Variants in NPFFR1 observed in about 807,000 individuals in gnomAD.
NPFFR1 encodes neuropeptide FF receptor 1, also known as G-protein coupled receptor 147.
NPFFR1 carries 17 observed loss-of-function variants against 12.7 expected under a neutral mutation model. The ratio of observed to expected loss-of-function variants is 1.34; its 90% CI spans 0.92 to 2.01. The LOEUF (loss-of-function observed/expected upper bound fraction) is 2.01, where lower values mean the gene tolerates loss of function less well. Ranked by LOEUF, NPFFR1 falls within the 30% of genes most tolerant of loss-of-function variation. NPFFR1 has a pLI of 0.00. For missense variants in NPFFR1, 604 were observed against 606.5 expected (o/e 1.00, Z 0.04); for synonymous variants, 296 against 264.5 (o/e 1.12, Z -1.16).
chr10:70,260,276 C>T (rs1840618423), intron 3 of NPFFR1, among the ~76,000 whole-genome samples: 1 of 152,120 alleles, frequency 6.6e-6, no homozygotes, highest in Non-Finnish European at 1.5e-5. Flanking sequence ...ATACCGTGAC[C>T]CACCCATAAG....
intron 2 of NPFFR1, among the ~76,000 whole-genome samples, chr10:70,263,665 G>C (rs939389786): frequency 3.3e-5 from 5 of 152,036 alleles, no homozygotes; most frequent in Non-Finnish European, 4.4e-5. Context: ...GAGTGGAATA[G>C]GTATATAGAA....
intron 1 of NPFFR1, among the ~76,000 whole-genome samples, chr10:70,274,217 A>G (rs1840777758): frequency 6.7e-6 from 1 of 150,326 alleles, no homozygotes; most frequent in South Asian, 2.1e-4. Flanking sequence ...TGGGAGATGG[A>G]AGGAGGCAGA....
intron 3 of NPFFR1, among the ~76,000 whole-genome samples, chr10:70,260,166 C>T (rs1040261821): frequency 3.9e-5 from 6 of 152,296 alleles, no homozygotes; most frequent in South Asian, 2.1e-4. Context: ...AGACGAGAAG[C>T]GGTGAACGTG....
At chr10:70,258,204 A>G (rs914757736) in intron 3 of NPFFR1, among the ~76,000 whole-genome samples, 35 of 151,732 alleles carry the variant, frequency 2.3e-4, no homozygotes, top group Admixed American at 4.6e-4. Flanking sequence ...AGGTGTGGAG[A>G]GGCAGGCCAC....
At position 70,252,567 on chromosome 10, in the gene NPFFR1, C is replaced by T. The variant is rs1310218980; in HGVS notation, c.*2390G>A. The T allele has an allele frequency of 1.3e-5, 2 of 152,230 alleles. No homozygotes were observed. Among genetic ancestry groups the T allele is most frequent in the Non-Finnish European group, 2.9e-5 (2 of 68,052 alleles). The allele number at this position is 152,230 out of a possible 1,614,324, so 9.4% of individuals were successfully genotyped here. ...TTTACCACATCCACAAAGAAACGAA[C>T]TCCCCACATACCCACAATGTCTCAC... On this transcript the variant is annotated 3_prime_UTR_variant, in exon 4 of 4. Transcript: ENST00000277942.
intron 3 of NPFFR1, 101 bp downstream of exon 3, chr10:70,260,539 G>T: frequency 1.9e-6 from 2 of 1,041,204 alleles, no homozygotes; most frequent in African/African-American, 3.2e-5. Context: ...TTACCATGGT[G>T]CAGCCCCAGC....
rs1290862948 is a variant in NPFFR1, at chr10:70,247,693, C to T, written c.*7264G>A. 1 of 152,226 alleles carries T rather than the reference C, an allele frequency of 6.6e-6. No homozygotes were observed. The highest frequency in any genetic ancestry group is 2.4e-5 in the African/African-American group (1 of 41,456). The allele number at this position is 152,226 out of a possible 1,614,324, so 9.4% of individuals were successfully genotyped here. ...AAACTAATTTGCCCAAATCACTAAG[C>T]TTGGGTTTTTCCACCCACATTAATT... On this transcript the variant is annotated 3_prime_UTR_variant, in exon 4 of 4. Transcript: ENST00000277942.
chr10:70,274,086 G>C (rs2136807361), intron 1 of NPFFR1, among the ~76,000 whole-genome samples: 1 of 152,322 alleles, frequency 6.6e-6, no homozygotes, highest in Admixed American at 6.5e-5. Flanking sequence ...AGAGAGGAAA[G>C]GACACTGACC....
chr10:70,271,212 T>A (rs908921484), intron 1 of NPFFR1, among the ~76,000 whole-genome samples: 5 of 152,218 alleles, frequency 3.3e-5, no homozygotes, highest in African/African-American at 9.6e-5. Context: ...AGCATTCTCA[T>A]ATTTAAAATA....
intron 3 of NPFFR1, among the ~76,000 whole-genome samples, chr10:70,258,125 T>C (rs1840594127): frequency 6.6e-6 from 1 of 152,184 alleles, no homozygotes; most frequent in African/African-American, 2.4e-5. Flanking sequence ...CTGTTGTTTC[T>C]CTATACTTTG....
chr10:70,282,119 T>C (rs1039574873), intron 1 of NPFFR1, among the ~76,000 whole-genome samples: 2 of 152,222 alleles, frequency 1.3e-5, no homozygotes, highest in Non-Finnish European at 2.9e-5. Context: ...TAAATACCTC[T>C]GGGTCGCTGG....
chr10:70,279,143 A>G (rs1840833776), intron 1 of NPFFR1, among the ~76,000 whole-genome samples: 2 of 152,276 alleles, frequency 1.3e-5, no homozygotes, highest in African/African-American at 4.8e-5. Context: ...GCTTTTTTTA[A>G]GTAAGATTCA....
At chr10:70,277,097 A>G (rs1056145625) in intron 1 of NPFFR1, among the ~76,000 whole-genome samples, 24 of 152,224 alleles carry the variant, frequency 1.6e-4, no homozygotes, top group African/African-American at 5.8e-4. Flanking sequence ...TGGAAGCAGG[A>G]CAGATTGTCA....
In NPFFR1 at chr10:70,247,751, T is replaced by C. The variant is rs1171439372; in HGVS notation, c.*7206A>G. 6.6e-6 allele frequency: 1 copy of C among 152,254 alleles called. No homozygotes were observed. The highest frequency in any genetic ancestry group is 2.4e-5 in the African/African-American group (1 of 41,468). The allele number at this position is 152,254 out of a possible 1,614,324, so 9.4% of individuals were successfully genotyped here. On this transcript the variant is annotated 3_prime_UTR_variant, in exon 4 of 4. Transcript: ENST00000277942. ...TTGCACATGACAACAGCATCATTTA[T>C]TGGTGACAGGATTCAAAGACCTGGG...
chr10:70,255,177 T>C lies in NPFFR1; in HGVS notation c.1073A>G (p.Glu358Gly). 2 of 1,547,966 alleles carry C rather than the reference T, an allele frequency of 1.3e-6. No homozygotes were observed. The highest frequency in any genetic ancestry group is 1.7e-6 in the Non-Finnish European group (2 of 1,149,096). ...CCCGCCGGGCCGCTCGGAGTAGGCC[T>C]CCTTGTGGCTCCCCGACGGGCGCGG... ...LCPRPSGSHK[E>G]AYSERPGGLL... The change falls in exon 4 of 4, where the codon GAG (glutamate) becomes GGG (glycine). Residue 358 changes from glutamate to glycine, a missense_variant. Physicochemically the swap from Glu to Gly is moderately conservative, Grantham distance 98. Transcript: ENST00000277942. The surrounding 1 kb of genome is among the most constrained non-coding windows in gnomAD (Gnocchi z 4.2).
intron 1 of NPFFR1, among the ~76,000 whole-genome samples, chr10:70,275,242 C>T (rs760871310): frequency 7.2e-5 from 11 of 152,204 alleles, no homozygotes; most frequent in Non-Finnish European, 1.5e-4. Context: ...AGGAGGTCTC[C>T]GGTTTTACCC....
In NPFFR1 at chr10:70,263,430, G is replaced by A. The variant is rs749489105; in HGVS notation, c.322+2647C>T. Among the ~76,000 whole-genome samples, 4 of 151,938 alleles carry A rather than the reference G, an allele frequency of 2.6e-5. No individual in the cohort carries two copies. In the South Asian group the frequency reaches 6.2e-4, roughly 24 times the overall value. ...TGGGACTACAGGCACCCACGACCAC[G>A]CCCGGCTAATTTTTTGTATTTTTTA... On this transcript the variant is annotated intron_variant, in intron 2 of 3. Coordinates refer to ENST00000277942, the MANE Select transcript of NPFFR1 (RefSeq NM_022146.5).
intron 3 of NPFFR1, among the ~76,000 whole-genome samples, chr10:70,257,643 AG>A (rs974541689): frequency 6.6e-6 from 1 of 152,228 alleles, no homozygotes; most frequent in African/African-American, 2.4e-5. Context: ...ACACCTGTAA[AG>A]GGTCTGTGCT....
At chr10:70,257,233 G>A (rs1840581608) in intron 3 of NPFFR1, among the ~76,000 whole-genome samples, 1 of 152,188 alleles carries the variant, frequency 6.6e-6, no homozygotes, top group African/African-American at 2.4e-5. Context: ...TTGTGTCTGT[G>A]TAGAAAGGGA....
Sources: allele counts gnomAD v4.1 joint callset (sites outside exome capture counted in the v4.1 genomes callset), GRCh38; gene constraint gnomAD v4.1.1; non-coding constraint Gnocchi (gnomAD v3.1); transcripts MANE v1.5; gene names NCBI Gene and HGNC (gene_info 2026-07-23, HGNC 2026-07-21).